SPIN1: variants seen among roughly 807,000 people sequenced by gnomAD.
The protein encoded by SPIN1 is spindlin-1.
In SPIN1, 3 loss-of-function variants were observed where a neutral mutation model predicts 26.0. The ratio of observed to expected loss-of-function variants is 0.12; its 90% CI spans 0.05 to 0.30. The LOEUF is 0.30. SPIN1 is among the 10% of genes least tolerant of loss of function. The pLI is 1.00. For missense variants in SPIN1, 126 were observed against 333.4 expected, an observed-to-expected ratio of 0.38 and a Z score of 4.84; for synonymous variants, 101 against 116.5, an observed-to-expected ratio of 0.87 and a Z score of 0.86.
chr9:88,431,331 C>T (rs532831015), intron 2 of SPIN1, among the ~76,000 whole-genome samples: 28 of 150,636 alleles, frequency 1.9e-4, no homozygotes, highest in Middle Eastern at 3.5e-3. Flanking sequence ...GCTCTGTCGG[C>T]CTGGGCTGGA....
At chr9:88,420,141 C>T (rs12339301) in intron 1 of SPIN1, among the ~76,000 whole-genome samples, 10,086 of 152,104 alleles carry the variant, frequency 0.066, 1,089 homozygotes, top group African/African-American at 0.23. Flanking sequence ...TTTGGGAGGC[C>T]GAGGCGGGTG....
At position 88,474,665 on chromosome 9, in the gene SPIN1, C is replaced by T. The variant is rs534010190; in HGVS notation, c.590-413C>T. ...AAATTATATTTCAAAGCCACTCAAA[C>T]TTATTTTCATTTAAGTGCAGCTACA... On this transcript the variant is annotated intron_variant, in intron 5 of 5. Coordinates refer to ENST00000375859, the MANE Select transcript of SPIN1 (RefSeq NM_006717.3). Among the ~76,000 whole-genome samples the T allele has an allele frequency of 4.9e-4, 75 of 152,270 alleles. 2 individuals carry two copies. The South Asian group carries it at 0.015, about 31-fold the overall frequency.
At chr9:88,433,854 T>C (rs1255629427) in intron 2 of SPIN1, among the ~76,000 whole-genome samples, 1 of 151,906 alleles carries the variant, frequency 6.6e-6, no homozygotes, top group African/African-American at 2.4e-5. Flanking sequence ...ATGTCATCCA[T>C]AAGTTCTTGG....
intron 2 of SPIN1, among the ~76,000 whole-genome samples, chr9:88,430,829 A>G (rs898480644): frequency 6.7e-6 from 1 of 149,290 alleles, no homozygotes; most frequent in African/African-American, 2.5e-5. Context: ...GTTAGCCTCC[A>G]TTTTTAGTAT....
At chr9:88,463,021 T>C (rs1174857774) in intron 4 of SPIN1, among the ~76,000 whole-genome samples, 1 of 152,176 alleles carries the variant, frequency 6.6e-6, no homozygotes, top group Non-Finnish European at 1.5e-5. Flanking sequence ...TGCTCACTGT[T>C]CTCTGGACTC....
intron 3 of SPIN1, among the ~76,000 whole-genome samples, chr9:88,451,866 G>A (rs1383968196): frequency 1.3e-5 from 2 of 152,126 alleles, no homozygotes; most frequent in Non-Finnish European, 2.9e-5. Flanking sequence ...CAGCCTAAAA[G>A]TACATCTTGG....
chr9:88,455,793 C>T (rs746443912), intron 3 of SPIN1, among the ~76,000 whole-genome samples: 1 of 152,034 alleles, frequency 6.6e-6, no homozygotes, highest in Non-Finnish European at 1.5e-5. Flanking sequence ...GGCTGGGCAA[C>T]ATAGTGAGAC....
intron 2 of SPIN1, among the ~76,000 whole-genome samples, chr9:88,432,283 G>A (rs1222196858): frequency 1.4e-5 from 2 of 138,062 alleles, no homozygotes; most frequent in Admixed American, 8.1e-5. Context: ...TCCACCTCCC[G>A]GGCTCAAGCA....
At chr9:88,410,994 T>TG (rs1418795959) in intron 1 of SPIN1, 18 of 1,502,050 alleles carry the variant, frequency 1.2e-5, no homozygotes, top group Middle Eastern at 2.3e-4. Flanking sequence ...TCCACGGAGT[T>TG]GTGGTCGTCA....
intron 1 of SPIN1, among the ~76,000 whole-genome samples, chr9:88,414,477 C>G (rs570342894): frequency 4.6e-5 from 7 of 152,238 alleles, no homozygotes; most frequent in Admixed American, 1.3e-4. Flanking sequence ...TCCAGTCTCT[C>G]TGTTATACCA....
chr9:88,472,867 C>A (rs1828816479), intron 5 of SPIN1, among the ~76,000 whole-genome samples: 1 of 152,184 alleles, frequency 6.6e-6, no homozygotes, highest in African/African-American at 2.4e-5. Flanking sequence ...GAATTGTTTT[C>A]TTAATTTCAC....
At chr9:88,389,974 C>T (rs1404054123) in intron 1 of SPIN1, among the ~76,000 whole-genome samples, 1 of 151,960 alleles carries the variant, frequency 6.6e-6, no homozygotes, top group Non-Finnish European at 1.5e-5. Context: ...ATTGTAGTAC[C>T]TGGTAATTTA....
intron 2 of SPIN1, among the ~76,000 whole-genome samples, chr9:88,430,600 T>C (rs1051603370): frequency 1.3e-5 from 2 of 152,224 alleles, no homozygotes; most frequent in African/African-American, 4.8e-5. Context: ...GTCTTTAACA[T>C]AGAGGGTGAA....
At chr9:88,472,081 A>G (rs558753292) in intron 5 of SPIN1, among the ~76,000 whole-genome samples, 2 of 152,020 alleles carry the variant, frequency 1.3e-5, no homozygotes, top group African/African-American at 4.8e-5. Context: ...TTACAGGTGT[A>G]AGCCACTGCA....
At chr9:88,460,808 A>T (rs1373219257) in intron 3 of SPIN1, among the ~76,000 whole-genome samples, 2 of 152,224 alleles carry the variant, frequency 1.3e-5, no homozygotes, top group African/African-American at 2.4e-5. Flanking sequence ...GCTGATTCAG[A>T]TGCACAGACA....
At chr9:88,425,119 A>G (rs769050467) in intron 1 of SPIN1, among the ~76,000 whole-genome samples, 3 of 152,116 alleles carry the variant, frequency 2.0e-5, no homozygotes, top group African/African-American at 4.8e-5. Flanking sequence ...CACTTTGCTG[A>G]AGAACGACTT....
chr9:88,478,200 T>C lies in SPIN1; in HGVS notation c.*2923T>C, dbSNP rs1828921149. On this transcript the variant is annotated 3_prime_UTR_variant, in exon 6 of 6. Coordinates refer to ENST00000375859, the MANE Select transcript of SPIN1 (RefSeq NM_006717.3). ...CTAAACCAGATTTCATTTCTTTTATTGTTTTATGTGCCAAACCACGAAGTG... is the reference window on the plus strand; with the variant it reads ...CTAAACCAGATTTCATTTCTTTTATCGTTTTATGTGCCAAACCACGAAGTG... The C allele has an allele frequency of 6.6e-6, 1 of 152,648 alleles. No individual in the cohort carries two copies. Among genetic ancestry groups the C allele is most frequent in the Non-Finnish European group, 1.5e-5 (1 of 68,038 alleles). The allele number at this position is 152,648 out of a possible 1,614,324, so 9.5% of individuals were successfully genotyped here.
At chr9:88,405,613 A>G (rs1347865195) in intron 1 of SPIN1, among the ~76,000 whole-genome samples, 3 of 114,832 alleles carry the variant, frequency 2.6e-5, no homozygotes, top group Admixed American at 1.0e-4. Flanking sequence ...GCGCGACCTC[A>G]TCTCACTGCA....
intron 2 of SPIN1, among the ~76,000 whole-genome samples, chr9:88,443,787 C>T (rs1828187474): frequency 6.6e-6 from 1 of 152,124 alleles, no homozygotes; most frequent in Non-Finnish European, 1.5e-5. Context: ...GTGACCTTTG[C>T]TTGTACTTCT....
Sources: allele counts gnomAD v4.1 joint callset (sites outside exome capture counted in the v4.1 genomes callset), GRCh38; gene constraint gnomAD v4.1.1; transcripts MANE v1.5; gene names NCBI Gene and HGNC (gene_info 2026-07-23, HGNC 2026-07-21).